The following PLEKHG1 variants were observed in gnomAD, a reference collection of about 807,000 sequenced individuals.
PLEKHG1 encodes pleckstrin homology domain-containing family G member 1.
In PLEKHG1, 44 loss-of-function variants were observed where a neutral mutation model predicts 100.8. The observed-to-expected ratio is 0.44, with a 90% CI of 0.34 to 0.56. PLEKHG1 has a LOEUF of 0.56. Among genes scored for constraint, PLEKHG1 ranks in the 20% least tolerant of loss-of-function variants. The probability of loss-of-function intolerance (pLI) is 0.01; values close to 1 mark genes in which losing one functional copy is unlikely to be tolerated. For synonymous variants in PLEKHG1, 640 were observed against 662.5 expected, an observed-to-expected ratio of 0.97 and a Z score of 0.52; for missense variants, 1,545 against 1,720.9, an observed-to-expected ratio of 0.90 and a Z score of 1.81.
intron 3 of PLEKHG1, among the ~76,000 whole-genome samples, chr6:150,674,911 G>A (rs752417665): frequency 3.3e-5 from 5 of 152,088 alleles, no homozygotes; most frequent in Admixed American, 6.6e-5. Flanking sequence ...TCGAACTCCT[G>A]ACCTCAAGTA....
At chr6:150,678,098 ATATATGTT>A (rs1779823832) in intron 3 of PLEKHG1, among the ~76,000 whole-genome samples, 1 of 139,504 alleles carries the variant, frequency 7.2e-6, no homozygotes, top group African/African-American at 2.7e-5. Context: ...ATATATATAT[ATATATGTT>A]GTGGAATGAT....
At chr6:150,830,782 T>C (rs762578918) in exon 15 of PLEKHG1, 4 of 1,614,008 alleles carry the variant, frequency 2.5e-6, no homozygotes, top group African/African-American at 1.3e-5. Context: ...ATGATGAAGA[T>C]GATTATCAGA....
chr6:150,768,568 A>G, intron 2 of PLEKHG1, 70 bp from the exon 4 acceptor site: 2 of 805,484 alleles, frequency 2.5e-6, no homozygotes, highest in Non-Finnish European at 4.3e-6. Flanking sequence ...TGAAAGATGC[A>G]CTGGGCATAA....
rs192547082 is a variant in PLEKHG1 at position 150,748,905 on chromosome 6, G to A, written c.411+14813G>A. Among the ~76,000 whole-genome samples, 3 of 152,232 alleles carry A rather than the reference G, an allele frequency of 2.0e-5. No homozygotes were observed. In the East Asian group the frequency reaches 5.8e-4, roughly 29 times the overall value. ...GCCTCCTGAAGTGCTGGGATTACAGGCGTGAGCCACTGCACCTATCTTTGA... is the reference window on the plus strand; with the variant it reads ...GCCTCCTGAAGTGCTGGGATTACAGACGTGAGCCACTGCACCTATCTTTGA... On this transcript the variant is annotated intron_variant, in intron 2 of 15. Coordinates refer to ENST00000358517, the Ensembl canonical transcript of PLEKHG1.
Position 150,600,525 on chromosome 6 carries a change from A to G in PLEKHG1, c.-204+508A>G, listed in dbSNP as rs1416151217. On this transcript the variant is annotated intron_variant, in intron 1 of 3. Coordinates refer to the PLEKHG1 transcript ENST00000367326. The surrounding 1 kb of genome is among the most constrained non-coding windows in gnomAD (Gnocchi z 6.2). ...AAGCCGGGAGCCCGAGGACCCGGGG[A>G]CGCGCGGTGGGGGCGGCGGCCGAGC... Among the ~76,000 whole-genome samples, 1 of 151,182 alleles carries G rather than the reference A, an allele frequency of 6.6e-6. No individual in the cohort carries two copies. The highest frequency in any genetic ancestry group is 2.0e-4 in the East Asian group (1 of 5,060).
chr6:150,655,940 C>T (rs1582894629), intron 3 of PLEKHG1, among the ~76,000 whole-genome samples: 1 of 151,742 alleles, frequency 6.6e-6, no homozygotes, highest in Non-Finnish European at 1.5e-5. Flanking sequence ...CACACCAGGG[C>T]CTGTGGGGGG....
At chr6:150,725,922 T>G (rs1583010070) in intron 1 of PLEKHG1, among the ~76,000 whole-genome samples, 1 of 152,120 alleles carries the variant, frequency 6.6e-6, no homozygotes, top group Admixed American at 6.6e-5. Context: ...AATGGGAAAA[T>G]TATGTGACCA....
intron 3 of PLEKHG1, among the ~76,000 whole-genome samples, chr6:150,676,349 T>A (rs538880660): frequency 1.4e-3 from 211 of 152,170 alleles, no homozygotes; most frequent in South Asian, 2.9e-3. Context: ...AATCTGAAAA[T>A]AACACTCAAA....
intron 2 of PLEKHG1, among the ~76,000 whole-genome samples, chr6:150,742,390 C>A (rs1306644863): frequency 6.6e-6 from 1 of 152,028 alleles, no homozygotes; most frequent in African/African-American, 2.4e-5. Flanking sequence ...CATGGTGAAA[C>A]CCTGTCTCTA....
At chr6:150,756,685 A>T (rs1269909335) in intron 2 of PLEKHG1, among the ~76,000 whole-genome samples, 1 of 152,164 alleles carries the variant, frequency 6.6e-6, no homozygotes, top group Non-Finnish European at 1.5e-5. Flanking sequence ...TTTTCCAGTT[A>T]ATATTGTCCA....
upstream of PLEKHG1, among the ~76,000 whole-genome samples, chr6:150,718,833 G>A (rs117550142): frequency 0.012 from 1,838 of 150,996 alleles, 23 homozygotes; most frequent in South Asian, 0.053. Context: ...GGCCTCATGC[G>A]CTATCCATTG....
At chr6:150,722,238 C>T (rs998510323) in intron 1 of PLEKHG1, among the ~76,000 whole-genome samples, 1 of 151,734 alleles carries the variant, frequency 6.6e-6, no homozygotes, top group East Asian at 1.9e-4. Flanking sequence ...TTTGAGAAGA[C>T]GTGACATTTA....
chr6:150,611,403 C>A (rs1776821726), intron 1 of PLEKHG1, among the ~76,000 whole-genome samples: 1 of 152,206 alleles, frequency 6.6e-6, no homozygotes, highest in African/African-American at 2.4e-5. Context: ...TTAAGTGGTA[C>A]AACAATTGCT....
At chr6:150,798,490 G>T in intron 5 of PLEKHG1, among the ~76,000 whole-genome samples, 1 of 152,146 alleles carries the variant, frequency 6.6e-6, no homozygotes, top group Non-Finnish European at 1.5e-5. Context: ...CAGGGGAGAG[G>T]CAAATCATTT....
intron 10 of PLEKHG1, among the ~76,000 whole-genome samples, chr6:150,810,264 C>G (rs13216106): frequency 2.7e-5 from 4 of 149,602 alleles, no homozygotes; most frequent in African/African-American, 9.8e-5. Flanking sequence ...TGCATCACTG[C>G]ACTCCAGCCT....
exon 15 of PLEKHG1, chr6:150,832,199 G>A (rs745737557): frequency 3.6e-5 from 57 of 1,588,284 alleles, no homozygotes; most frequent in Non-Finnish European, 4.6e-5. Flanking sequence ...AGGAGGGCCC[G>A]CCATTGGTAT....
chr6:150,826,918 T>A (rs1007638766), intron 14 of PLEKHG1, among the ~76,000 whole-genome samples: 1 of 150,446 alleles, frequency 6.6e-6, no homozygotes, highest in Non-Finnish European at 1.5e-5. Flanking sequence ...GGATTACAGG[T>A]GTGTATCACC....
intron 3 of PLEKHG1, among the ~76,000 whole-genome samples, chr6:150,654,146 G>A (rs1778867693): frequency 6.6e-6 from 1 of 152,208 alleles, no homozygotes; most frequent in South Asian, 2.1e-4. Context: ...ACACAGCACA[G>A]GACTGCCCGG....
intron 3 of PLEKHG1, among the ~76,000 whole-genome samples, chr6:150,665,971 C>G (rs1012960165): frequency 1.3e-5 from 2 of 152,174 alleles, no homozygotes; most frequent in Non-Finnish European, 2.9e-5. Flanking sequence ...GGGGCCTTGC[C>G]TCCATCTCTC....
Sources: allele counts gnomAD v4.1 joint callset (sites outside exome capture counted in the v4.1 genomes callset), GRCh38; gene constraint gnomAD v4.1.1; non-coding constraint Gnocchi (gnomAD v3.1); transcripts MANE v1.5; gene names NCBI Gene and HGNC (gene_info 2026-07-23, HGNC 2026-07-21).